Variants in FAT3 observed in about 807,000 individuals in gnomAD.
FAT3 encodes protocadherin Fat 3.
Under a neutral mutation model 310.2 loss-of-function variants are expected in FAT3, and 95 were observed. That is an observed-to-expected ratio of 0.31 (90% CI 0.26 to 0.36). The LOEUF is 0.36. Ranked by LOEUF, FAT3 falls within the 10% of genes least tolerant of loss-of-function variation. FAT3 has a pLI of 1.00. For synonymous variants in FAT3, 2,314 were observed against 2,192.9 expected (o/e 1.06, Z -1.54); for missense variants, 5,408 against 5,715.6 (o/e 0.95, Z 1.74).
intron 3 of FAT3, among the ~76,000 whole-genome samples, chr11:92,619,463 C>G (rs536491785): frequency 6.6e-6 from 1 of 152,226 alleles, no homozygotes; most frequent in South Asian, 2.1e-4. Flanking sequence ...TGTTCCAATT[C>G]ACCAGCGAAG....
intron 7 of FAT3, among the ~76,000 whole-genome samples, chr11:92,786,282 A>G (rs998818058): frequency 6.6e-6 from 1 of 152,168 alleles, no homozygotes; most frequent in Non-Finnish European, 1.5e-5. Context: ...CAGAAACAAT[A>G]AGGAAAAAGA....
intron 2 of FAT3, among the ~76,000 whole-genome samples, chr11:92,432,082 C>T (rs1184325558): frequency 6.6e-6 from 1 of 152,096 alleles, no homozygotes; most frequent in African/African-American, 2.4e-5. Context: ...TATAAATTAC[C>T]TTGGGCAGTA....
intron 2 of FAT3, among the ~76,000 whole-genome samples, chr11:92,503,531 C>G (rs1406463908): frequency 6.6e-6 from 1 of 152,098 alleles, no homozygotes; most frequent in Non-Finnish European, 1.5e-5. Context: ...GTTACTTCCA[C>G]AAGGGCATAT....
At position 92,366,568 on chromosome 11, in the gene FAT3, G is replaced by A. The variant is rs574126181; in HGVS notation, c.3292+11164G>A. Reference sequence around the variant, plus strand: ...CGATCATCCCCCAAGAACTGCATGCGCCTGATGGGCTTCAAGTCCTTGTCC... The same window carrying A: ...CGATCATCCCCCAAGAACTGCATGCACCTGATGGGCTTCAAGTCCTTGTCC... On this transcript the variant is annotated intron_variant, in intron 2 of 27. Transcript: ENST00000525166. 2.9e-5 allele frequency: 15 copies of A among 512,960 alleles called. 1 individual carries two copies. Among genetic ancestry groups the A allele is most frequent in the South Asian group, 1.2e-4 (8 of 67,416 alleles). 31.8% of individuals were successfully genotyped at this position (512,960 alleles called of 1,614,324 possible). A position where few individuals can be genotyped will look rare whatever the true frequency, so the allele number is the denominator to read the frequency against.
At chr11:92,422,466 A>G (rs1950551730) in intron 2 of FAT3, among the ~76,000 whole-genome samples, 1 of 152,150 alleles carries the variant, frequency 6.6e-6, no homozygotes, top group Non-Finnish European at 1.5e-5. Flanking sequence ...TTGAAGCTAT[A>G]GTTCCTTTTC....
At chr11:92,689,222 A>G (rs1429886833) in intron 3 of FAT3, among the ~76,000 whole-genome samples, 2 of 152,214 alleles carry the variant, frequency 1.3e-5, no homozygotes, top group Non-Finnish European at 2.9e-5. Flanking sequence ...GCTAGCCAGT[A>G]TACTACAATG....
chr11:92,357,590 G>A (rs1948766934), intron 2 of FAT3, among the ~76,000 whole-genome samples: 1 of 152,078 alleles, frequency 6.6e-6, no homozygotes, highest in Non-Finnish European at 1.5e-5. Context: ...TTGAGACTCA[G>A]GTAAATGTGG....
chr11:92,543,264 C>G (rs889604943), intron 3 of FAT3, among the ~76,000 whole-genome samples: 1 of 152,086 alleles, frequency 6.6e-6, no homozygotes, highest in Non-Finnish European at 1.5e-5. Flanking sequence ...TGTTTTATTG[C>G]ACATTGGGGT....
chr11:92,652,083 AC>A (rs1942400067), intron 3 of FAT3, among the ~76,000 whole-genome samples: 1 of 152,116 alleles, frequency 6.6e-6, no homozygotes, highest in East Asian at 1.9e-4. Context: ...CATCTCAGCA[AC>A]CCCAGGAAGG....
At chr11:92,614,752 G>GT (rs1176352602) in intron 3 of FAT3, among the ~76,000 whole-genome samples, 1 of 152,088 alleles carries the variant, frequency 6.6e-6, no homozygotes, top group Non-Finnish European at 1.5e-5. Context: ...TCTCACGTGT[G>GT]TTTTTTGTGT....
intron 3 of FAT3, among the ~76,000 whole-genome samples, chr11:92,553,224 T>C (rs1194602483): frequency 6.6e-6 from 1 of 152,222 alleles, no homozygotes; most frequent in East Asian, 1.9e-4. Flanking sequence ...ATCAATTCTT[T>C]ACTCTTAGAT....
chr11:92,404,746 A>G (rs1950099537), intron 2 of FAT3, among the ~76,000 whole-genome samples: 1 of 152,012 alleles, frequency 6.6e-6, no homozygotes, highest in South Asian at 2.1e-4. Flanking sequence ...CAGTAGACTC[A>G]GTAAAGAATG....
chr11:92,887,505 A>C (rs1468025988), intron 25 of FAT3, among the ~76,000 whole-genome samples: 1 of 152,230 alleles, frequency 6.6e-6, no homozygotes, highest in East Asian at 1.9e-4. Flanking sequence ...CCCCGTCATT[A>C]GAAATTAGTT....
rs761003870 is a variant in FAT3, at chr11:92,352,422, T to G, written c.310T>G (p.Phe104Val). Reference sequence around the variant, plus strand: ...GGAAGTCATCATTGCAGATTTCTGTTTTCTCAGAATAAGAACTAAAGGTGG... The same window carrying G: ...GGAAGTCATCATTGCAGATTTCTGTGTTCTCAGAATAAGAACTAAAGGTGG... ...AEEVIIADFC[F>V]LRIRTKGGNS... The change falls in exon 2 of 28, where the codon TTT (phenylalanine) becomes GTT (valine). Residue 104 changes from phenylalanine to valine, a missense_variant. Phe to Val is a conservative substitution (Grantham distance 50). Coordinates refer to ENST00000525166, the MANE Select transcript of FAT3 (RefSeq NM_001367949.2). 1 of 1,612,112 alleles carries G rather than the reference T, an allele frequency of 6.2e-7. No homozygotes were observed. The highest frequency in any genetic ancestry group is 8.5e-7 in the Non-Finnish European group (1 of 1,179,242).
intron 3 of FAT3, among the ~76,000 whole-genome samples, chr11:92,679,279 GTTTATTTA>G (rs1235672922): frequency 2.0e-5 from 3 of 150,554 alleles, no homozygotes; most frequent in South Asian, 2.1e-4. Context: ...TTTTTTTTTG[GTTTATTTA>G]TTTATTTATT....
intron 4 of FAT3, among the ~76,000 whole-genome samples, chr11:92,706,264 T>C (rs1009532588): frequency 6.6e-6 from 1 of 152,128 alleles, no homozygotes; most frequent in African/African-American, 2.4e-5. Flanking sequence ...CCCTATTATC[T>C]GAAGAGTAAA....
At chr11:92,772,420 A>C (rs1012519641) in intron 6 of FAT3, among the ~76,000 whole-genome samples, 1 of 151,954 alleles carries the variant, frequency 6.6e-6, no homozygotes, top group Non-Finnish European at 1.5e-5. Context: ...TCAGCCTTCC[A>C]TTTTATTTCA....
chr11:92,732,127 A>G (rs559535086), intron 4 of FAT3, among the ~76,000 whole-genome samples: 63 of 152,210 alleles, frequency 4.1e-4, no homozygotes, highest in Admixed American at 9.2e-4. Context: ...ACTCACATCA[A>G]TTTACTAATT....
intron 1 of FAT3, chr11:92,336,238 T>A: frequency 1.8e-6 from 1 of 562,414 alleles, no homozygotes; most frequent in Admixed American, 1.9e-5. Flanking sequence ...ACAACTCACA[T>A]GTTCCAGATG....
Sources: allele counts gnomAD v4.1 joint callset (sites outside exome capture counted in the v4.1 genomes callset), GRCh38; gene constraint gnomAD v4.1.1; transcripts MANE v1.5; gene names NCBI Gene and HGNC (gene_info 2026-07-23, HGNC 2026-07-21).